Variants in ESR1 observed in about 807,000 individuals in gnomAD.
The protein encoded by ESR1 is estrogen receptor.
In ESR1, 12 loss-of-function variants were observed where a neutral mutation model predicts 52.7. The observed-to-expected ratio is 0.23, with a 90% CI of 0.15 to 0.37. The LOEUF (loss-of-function observed/expected upper bound fraction) is 0.37, where lower values mean the gene tolerates loss of function less well. ESR1 is among the 10% of genes least tolerant of loss of function. The pLI is 1.00. For synonymous variants in ESR1, 305 were observed against 316.8 expected, an observed-to-expected ratio of 0.96 and a Z score of 0.39; for missense variants, 584 against 779.7, an observed-to-expected ratio of 0.75 and a Z score of 2.99.
chr6:151,711,841 G>A (rs1272638874), intron 2 of ESR1, among the ~76,000 whole-genome samples: 1 of 152,132 alleles, frequency 6.6e-6, no homozygotes, highest in African/African-American at 2.4e-5. Context: ...TGCAGAAGCT[G>A]TTTAGTTTAA....
intron 4 of ESR1, among the ~76,000 whole-genome samples, chr6:152,008,323 G>A (rs772323223): frequency 6.9e-4 from 105 of 152,204 alleles, no homozygotes; most frequent in Non-Finnish European, 9.1e-4. Context: ...GCACAGCTGG[G>A]AAAGATAATT....
intron 3 of ESR1, among the ~76,000 whole-genome samples, chr6:151,892,004 T>C (rs1794763903): frequency 6.6e-6 from 1 of 152,214 alleles, no homozygotes. Flanking sequence ...TGTTTTTAGA[T>C]AATTCTATTT....
intron 2 of ESR1, among the ~76,000 whole-genome samples, chr6:151,761,891 G>C (rs1471575841): frequency 6.6e-6 from 1 of 152,212 alleles, no homozygotes; most frequent in Non-Finnish European, 1.5e-5. Flanking sequence ...AGTAGATCCA[G>C]GAGGGAGTGC....
intron 1 of ESR1, among the ~76,000 whole-genome samples, chr6:151,701,529 C>CAAAAAAAAAAAAA: frequency 2.2e-5 from 2 of 89,406 alleles, no homozygotes; most frequent in Non-Finnish European, 4.2e-5. Context: ...CACTACATCT[C>CAAAAAAAAAAAAA]AAAAAAAAAA....
intron 2 of ESR1, among the ~76,000 whole-genome samples, chr6:151,723,072 C>G (rs1391011297): frequency 1.3e-5 from 2 of 152,076 alleles, no homozygotes; most frequent in African/African-American, 4.8e-5. Context: ...TAAAATATAA[C>G]CAGAATCTCC....
chr6:151,906,310 A>T (rs1433382458), intron 3 of ESR1, among the ~76,000 whole-genome samples: 1 of 152,086 alleles, frequency 6.6e-6, no homozygotes, highest in Non-Finnish European at 1.5e-5. Context: ...GTTAAAACAG[A>T]AGACTTTTTT....
chr6:152,048,767 A>G (rs377531070), intron 5 of ESR1, among the ~76,000 whole-genome samples: 21 of 152,242 alleles, frequency 1.4e-4, no homozygotes, highest in African/African-American at 4.1e-4. Context: ...AAACTGAGTT[A>G]CGGAGAAGAT....
chr6:151,880,830 C>A, intron 3 of ESR1, 59 bp downstream of exon 3: 1 of 863,688 alleles, frequency 1.2e-6, no homozygotes, highest in Non-Finnish European at 2.0e-6. Context: ...CCAGTGCTGG[C>A]TCTACCCATT....
At chr6:151,909,683 G>A (rs1232278347) in intron 3 of ESR1, among the ~76,000 whole-genome samples, 2 of 152,156 alleles carry the variant, frequency 1.3e-5, no homozygotes, top group Non-Finnish European at 2.9e-5. Context: ...CAGGGCTGAG[G>A]TGCACCTAGG....
chr6:152,111,489 C>A (rs940374190), intron 6 of ESR1, among the ~76,000 whole-genome samples: 10 of 152,218 alleles, frequency 6.6e-5, no homozygotes, highest in Admixed American at 2.0e-4. Context: ...CTGCCATCAG[C>A]TGCCTTTTCA....
intron 1 of ESR1, among the ~76,000 whole-genome samples, chr6:151,696,141 T>C (rs1489339253): frequency 1.3e-5 from 2 of 152,134 alleles, no homozygotes; most frequent in African/African-American, 2.4e-5. Context: ...TGGTTTATTA[T>C]GGCTTGTCCT....
Position 151,933,334 on chromosome 6 carries a change from T to C in ESR1, c.761-10839T>C, listed in dbSNP as rs548214749. On this transcript the variant is annotated intron_variant, in intron 3 of 7. Transcript: ENST00000206249. ...CCTGAGACTTTGCTGAAGTTGCTTA[T>C]CAGCTGAAGGAGATTTTGGGCTGAG... is the stretch of plus-strand genomic sequence containing the variant. 3.0e-4 allele frequency among the ~76,000 whole-genome samples: 45 copies of C among 151,050 alleles called. No homozygotes were observed. The East Asian group carries it at 7.6e-3, about 25-fold the overall frequency.
chr6:152,060,176 GCAC>G (rs1302626296), intron 5 of ESR1, among the ~76,000 whole-genome samples: 1 of 152,112 alleles, frequency 6.6e-6, no homozygotes, highest in East Asian at 1.9e-4. Context: ...TACATGTTAT[GCAC>G]CTTTGGTTTG....
At chr6:152,081,109 T>A (rs1359625533) in intron 6 of ESR1, among the ~76,000 whole-genome samples, 1 of 152,102 alleles carries the variant, frequency 6.6e-6, no homozygotes, top group Non-Finnish European at 1.5e-5. Flanking sequence ...TGAACTCAGC[T>A]CTAGACCAAG....
At chr6:152,011,314 G>A (rs1286513198) in intron 4 of ESR1, among the ~76,000 whole-genome samples, 1 of 152,106 alleles carries the variant, frequency 6.6e-6, no homozygotes, top group African/African-American at 2.4e-5. Context: ...AAACAGAAAT[G>A]AGGAACAGTC....
chr6:151,915,958 A>G (rs1055471024), intron 3 of ESR1, among the ~76,000 whole-genome samples: 43 of 152,144 alleles, frequency 2.8e-4, no homozygotes, highest in Non-Finnish European at 1.2e-4. Context: ...AGCATTTGAC[A>G]TTTGATAAAC....
At chr6:151,674,281 G>GGTT (rs966360333) in intron 1 of ESR1, among the ~76,000 whole-genome samples, 4 of 152,254 alleles carry the variant, frequency 2.6e-5, no homozygotes, top group African/African-American at 9.6e-5. Context: ...AACATGCAGT[G>GGTT]GTTGGTTTTC....
intron 5 of ESR1, among the ~76,000 whole-genome samples, chr6:152,049,711 G>T (rs1159491763): frequency 1.3e-5 from 2 of 152,136 alleles, no homozygotes; most frequent in Non-Finnish European, 2.9e-5. Context: ...GGGAGGAAGA[G>T]AGAGTGAGGT....
chr6:151,932,256 G>C (rs1280168980), intron 3 of ESR1, among the ~76,000 whole-genome samples: 2 of 151,898 alleles, frequency 1.3e-5, no homozygotes, highest in African/African-American at 2.4e-5. Context: ...GTCTTCTTTT[G>C]AGAAGTGTCT....
Sources: gnomAD v4.1 joint callset for allele counts (sites outside exome capture counted in the v4.1 genomes callset) on GRCh38, gnomAD v4.1.1 for gene constraint, MANE v1.5 for transcripts, NCBI Gene and HGNC (gene_info 2026-07-23, HGNC 2026-07-21) for gene names.